PDE10A: variants seen among roughly 807,000 people sequenced by gnomAD.
PDE10A encodes the protein phosphodiesterase 10A, also known as cAMP and cAMP-inhibited cGMP 3',5'-cyclic phosphodiesterase 10A.
A neutral mutation model predicts 97.7 loss-of-function variants in PDE10A; 39 were observed. The observed-to-expected ratio is 0.40, with a 90% CI of 0.31 to 0.52. PDE10A has a LOEUF of 0.52. Ranked by LOEUF, PDE10A falls within the 20% of genes least tolerant of loss-of-function variation. The pLI is 0.56. For synonymous variants in PDE10A, 371 were observed against 376.8 expected, an observed-to-expected ratio of 0.98 and a Z score of 0.18; for missense variants, 731 against 1,047.8, an observed-to-expected ratio of 0.70 and a Z score of 4.17.
chr6:165,478,301 C>T (rs1360245884), intron 3 of PDE10A, among the ~76,000 whole-genome samples: 8 of 152,100 alleles, frequency 5.3e-5, no homozygotes, highest in Admixed American at 4.6e-4. Flanking sequence ...TATACAACTA[C>T]AAACCAAAAA....
chr6:165,874,944 T>C (rs1781294866), intron 1 of PDE10A, among the ~76,000 whole-genome samples: 1 of 152,192 alleles, frequency 6.6e-6, no homozygotes, highest in African/African-American at 2.4e-5. Context: ...GACCCAGTTA[T>C]TCGTTCTAAG....
chr6:165,391,599 A>C (rs535398746), intron 16 of PDE10A, among the ~76,000 whole-genome samples: 2 of 152,302 alleles, frequency 1.3e-5, no homozygotes, highest in East Asian at 1.9e-4. Context: ...TTTCATGTGG[A>C]TCTTTCGCGG....
At chr6:165,366,218 A>C (rs1783761130) in intron 18 of PDE10A, among the ~76,000 whole-genome samples, 2 of 152,310 alleles carry the variant, frequency 1.3e-5, no homozygotes, top group African/African-American at 2.4e-5. Flanking sequence ...ACATATTAGA[A>C]TGTGCTTGCT....
In PDE10A at chr6:165,661,710, TC is replaced by T. The variant is rs1245335390; in HGVS notation, c.865+236del. ...TCCCGCCGCCCTCCCGAGCCGCCCT[TC>T]CCCCGAGCGCTCGCGGAGCCTGGGA... On this transcript the variant is annotated intron_variant, in intron 1 of 21. Coordinates refer to ENST00000539869, the MANE Select transcript of PDE10A (RefSeq NM_001385079.1). This position sits in a 1 kb window ranked among gnomAD's most constrained non-coding sequence, Gnocchi z 4.8. 6.8e-6 allele frequency: 3 copies of T among 440,554 alleles called. No homozygotes were observed. The highest frequency in any genetic ancestry group is 4.4e-5 in the South Asian group (1 of 22,960). The allele number at this position is 440,554 out of a possible 1,614,324, so 27.3% of individuals were successfully genotyped here.
intron 1 of PDE10A, among the ~76,000 whole-genome samples, chr6:165,700,981 A>G (rs1237843916): frequency 6.6e-6 from 1 of 152,216 alleles, no homozygotes; most frequent in Non-Finnish European, 1.5e-5. Context: ...CATACCTGTG[A>G]TACCTGGATT....
intron 3 of PDE10A, among the ~76,000 whole-genome samples, chr6:165,476,093 T>TA (rs1173587620): frequency 1.3e-5 from 2 of 150,456 alleles, no homozygotes; most frequent in African/African-American, 4.9e-5. Flanking sequence ...AGAGCAGACC[T>TA]AAAATCACTC....
chr6:165,391,545 T>C (rs551751811), intron 16 of PDE10A, among the ~76,000 whole-genome samples: 7 of 152,226 alleles, frequency 4.6e-5, no homozygotes, highest in Admixed American at 4.6e-4. Flanking sequence ...TGGGGTTCAA[T>C]AGAAAAGGAC....
chr6:165,429,138 G>A (rs1412246884), intron 9 of PDE10A, among the ~76,000 whole-genome samples: 1 of 152,026 alleles, frequency 6.6e-6, no homozygotes, highest in Non-Finnish European at 1.5e-5. Context: ...ACTGGAGAAA[G>A]TTAGCATTTA....
At chr6:165,887,627 G>C (rs528091873) in intron 1 of PDE10A, among the ~76,000 whole-genome samples, 1 of 152,142 alleles carries the variant, frequency 6.6e-6, no homozygotes, top group Non-Finnish European at 1.5e-5. Context: ...TATGCTTAGA[G>C]TTATCTGGAA....
chr6:165,859,046 CACTGACCTTAGGGAAAAT>C (rs1287431236), intron 1 of PDE10A, among the ~76,000 whole-genome samples: 32 of 152,312 alleles, frequency 2.1e-4, no homozygotes, highest in African/African-American at 7.5e-4. Flanking sequence ...AATACTGAAC[CACTGACCTTAGGGAAAAT>C]ATAAGATTAG....
At chr6:165,658,761 A>G (rs1790089859) in intron 1 of PDE10A, among the ~76,000 whole-genome samples, 1 of 152,232 alleles carries the variant, frequency 6.6e-6, no homozygotes, top group African/African-American at 2.4e-5. Flanking sequence ...AACTTTGCTC[A>G]CAAGAAAGCA....
chr6:165,909,820 C>G (rs1782403420), intron 1 of PDE10A, among the ~76,000 whole-genome samples: 2 of 152,076 alleles, frequency 1.3e-5, no homozygotes, highest in South Asian at 4.2e-4. Context: ...ACAAACCTCC[C>G]CTCACTCGCT....
chr6:165,431,774 T>G (rs1789595302), intron 7 of PDE10A, among the ~76,000 whole-genome samples: 1 of 151,862 alleles, frequency 6.6e-6, no homozygotes, highest in East Asian at 1.9e-4. Flanking sequence ...TCTTTTATAT[T>G]TTCCCCATCT....
chr6:165,615,614 A>G (rs1787692795), intron 1 of PDE10A, among the ~76,000 whole-genome samples: 1 of 151,772 alleles, frequency 6.6e-6, no homozygotes, highest in East Asian at 1.9e-4. Context: ...ATATTGAAAT[A>G]TTTAAAGTAA....
chr6:165,403,068 A>G (rs999493286), intron 13 of PDE10A, among the ~76,000 whole-genome samples: 6 of 152,172 alleles, frequency 3.9e-5, no homozygotes, highest in Non-Finnish European at 8.8e-5. Context: ...GTTCCCCAGG[A>G]TCTCATCTGT....
chr6:165,717,667 T>C (rs1792059240), intron 1 of PDE10A, among the ~76,000 whole-genome samples: 1 of 152,256 alleles, frequency 6.6e-6, no homozygotes, highest in Non-Finnish European at 1.5e-5. Context: ...AATTGCTGGA[T>C]TATTCCGTAA....
At chr6:165,582,411 G>A (rs371824741) in intron 1 of PDE10A, among the ~76,000 whole-genome samples, 3 of 152,084 alleles carry the variant, frequency 2.0e-5, no homozygotes, top group Non-Finnish European at 4.4e-5. Flanking sequence ...TTTCTATGTC[G>A]ATTTAATAAC....
chr6:165,619,339 GTAGTC>G lies in PDE10A; in HGVS notation c.865+42603_865+42607del, dbSNP rs1787929482. Among the ~76,000 whole-genome samples, 5 of 151,270 alleles carry G rather than the reference GTAGTC, an allele frequency of 3.3e-5. 1 individual carries two copies. The highest frequency in any genetic ancestry group is 3.9e-4 in the East Asian group (2 of 5,136). ...CTAGTGTGGTGTAGTGTAGTGTAGT[GTAGTC>G]TAGTGTAGTGTAGTCTAGTGTAGTG... On this transcript the variant is annotated intron_variant, in intron 1 of 21. Transcript: ENST00000539869.
At chr6:165,891,463 A>G (rs1781793036) in intron 1 of PDE10A, among the ~76,000 whole-genome samples, 1 of 152,160 alleles carries the variant, frequency 6.6e-6, no homozygotes, top group Non-Finnish European at 1.5e-5. Flanking sequence ...AGGTTCAGCC[A>G]GGGAGAACCA....
Sources: gnomAD v4.1 joint callset for allele counts (sites outside exome capture counted in the v4.1 genomes callset) on GRCh38, gnomAD v4.1.1 for gene constraint, Gnocchi (gnomAD v3.1) non-coding constraint, MANE v1.5 for transcripts, NCBI Gene and HGNC (gene_info 2026-07-23, HGNC 2026-07-21) for gene names.